Variants in RTEL1 observed in about 807,000 individuals in gnomAD.
RTEL1 encodes the protein regulator of telomere elongation helicase 1.
A neutral mutation model predicts 162.2 loss-of-function variants in RTEL1; 86 were observed. The ratio of observed to expected loss-of-function variants is 0.53; its 90% CI spans 0.45 to 0.63. The LOEUF (loss-of-function observed/expected upper bound fraction) is 0.63, where lower values mean the gene tolerates loss of function less well. Among genes scored for constraint, RTEL1 ranks in the 30% least tolerant of loss-of-function variants. The pLI is 0.00. For missense variants in RTEL1, 1,941 were observed against 1,750.2 expected, an observed-to-expected ratio of 1.11 and a Z score of -1.95; for synonymous variants, 958 against 717.9, an observed-to-expected ratio of 1.33 and a Z score of -5.35.
At position 63,687,646 on chromosome 20, in the gene RTEL1, C is replaced by G; in HGVS notation, c.1357C>G (p.Leu453Val). The change falls in exon 17 of 35, where the codon CTG becomes GTG. Residue 453 changes from leucine (L) to valine (V), a missense_variant. Leu to Val is a conservative substitution (Grantham distance 32, BLOSUM62 1). Coordinates refer to ENST00000360203, the MANE Select transcript of RTEL1 (RefSeq NM_001283009.2). ...CGCCCCCCGCCCCACAGGGAAGGTG[C>G]TGAGCTACTGGTGCTTCAGTCCCGG... is the stretch of plus-strand genomic sequence containing the variant. ...TTAARKRGKV[L>V]SYWCFSPGHS... 2 of 1,608,292 alleles carry G rather than the reference C, an allele frequency of 1.2e-6. No individual in the cohort carries two copies. The highest frequency in any genetic ancestry group is 2.2e-5 in the South Asian group (2 of 90,540).
In RTEL1 at chr20:63,679,946, C is replaced by T. The variant is rs201938707; in HGVS notation, c.1135C>T (p.Arg379Cys). 45 of 1,608,926 alleles carry T rather than the reference C, an allele frequency of 2.8e-5. 1 individual carries two copies. The East Asian group carries it at 6.7e-4, about 24-fold the overall frequency. ...LDQIIQHLAGRAGVFTNTAGL... is the reference protein window; with the variant it reads ...LDQIIQHLAGCAGVFTNTAGL... ...CCAGATCATCCAGCACCTGGCAGGA[C>T]GTGAGTGCTGGCACGGGGTCTTTGG... The change falls in exon 13 of 35, where the codon CGT (arginine) becomes TGT (cysteine). Residue 379 changes from arginine to cysteine, a missense_variant and splice_region_variant. Transcript: ENST00000360203.
intron 8 of RTEL1, among the ~76,000 whole-genome samples, chr20:63,672,084 A>ATGT (rs10685429): frequency 0.26 from 38,178 of 144,762 alleles, 5,340 homozygotes; most frequent in South Asian, 0.38. Context: ...GGGTTTTACC[A>ATGT]TGTTGGCCAG....
At chr20:63,692,753 G>A in intron 28 of RTEL1, 52 bp from the exon 29 acceptor site, 4 of 1,548,292 alleles carry the variant, frequency 2.6e-6, no homozygotes, top group Non-Finnish European at 2.7e-6. Flanking sequence ...GCAGCCCCAG[G>A]GACCAGATGA....
At position 63,690,434 on chromosome 20, in the gene RTEL1, G is replaced by A; in HGVS notation, c.2406G>A (p.Arg802=). 2 of 1,587,488 alleles carry A rather than the reference G, an allele frequency of 1.3e-6. No homozygotes were observed. Among genetic ancestry groups the A allele is most frequent in the South Asian group, 2.2e-5 (2 of 89,432 alleles). ...LDLHVPSLKQ[R]SSGSPAAGDP... Reference sequence around the variant, plus strand: ...TGCATGTCCCCAGCCTGAAGCAGAGGTCCTCAGGTGCGGACGGGCAGCGCT... The same window carrying A: ...TGCATGTCCCCAGCCTGAAGCAGAGATCCTCAGGTGCGGACGGGCAGCGCT... Residue 802 remains arginine, a synonymous_variant, in exon 26 of 35, where the codon AGG becomes AGA. Coordinates refer to ENST00000360203, the MANE Select transcript of RTEL1 (RefSeq NM_001283009.2).
At chr20:63,688,507 C>T (rs776420050) in intron 20 of RTEL1, 21 bp from the exon 21 acceptor site, 3 of 1,608,818 alleles carry the variant, frequency 1.9e-6, no homozygotes, top group Non-Finnish European at 8.5e-7. Flanking sequence ...GCTGCCGTGT[C>T]CCTGCCTCTT....
At chr20:63,692,664 G>T (rs544746517) in intron 28 of RTEL1, 141 bp from the exon 29 acceptor site, 3 of 794,300 alleles carry the variant, frequency 3.8e-6, no homozygotes, top group East Asian at 2.7e-5. Context: ...TGTCCATCCA[G>T]CCAGCCAGTT....
rs777978680 is a variant in RTEL1, at chr20:63,692,979, C to T, written c.2827C>T (p.Pro943Ser). ...ACLGPLFAEDPKKHNLLQGFY... is the reference protein window; with the variant it reads ...ACLGPLFAEDSKKHNLLQGFY... ...TCTCGGCCCCCTCTTTGCTGAGGAC[C>T]CCAAGAAGCACAACCTGCTCCAAGG... Residue 943 changes from proline to serine, a missense_variant, in exon 29 of 35, where the codon CCC becomes TCC. By Grantham distance (74) the Pro-to-Ser change is moderately conservative. Transcript: ENST00000360203. The T allele has an allele frequency of 6.2e-7, 1 of 1,612,614 alleles. No homozygotes were observed. Among genetic ancestry groups the T allele is most frequent in the African/African-American group, 1.3e-5 (1 of 75,058 alleles).
intron 7 of RTEL1, among the ~76,000 whole-genome samples, chr20:63,667,053 A>T (rs560861409): frequency 6.8e-6 from 1 of 147,616 alleles, no homozygotes; most frequent in East Asian, 2.0e-4. Flanking sequence ...GTTAGCCAGG[A>T]TGGTCTCGAT....
At position 63,688,552 on chromosome 20, in the gene RTEL1, G is replaced by C; in HGVS notation, c.1747G>C (p.Glu583Gln). The part of the protein sequence containing the change: ...WRARDLARKM[E>Q]ALKPLFVEPR... ...GGCCCGCGACTTGGCCAGGAAGATG[G>C]AGGCGCTGAAGCCGCTGTTTGTGGA... Residue 583 changes from glutamate to glutamine, a missense_variant, in exon 21 of 35, where the codon GAG becomes CAG. Physicochemically the swap from Glu to Gln is conservative, Grantham distance 29. Transcript: ENST00000360203. 6.2e-7 allele frequency: 1 copy of C among 1,610,782 alleles called. No homozygotes were observed. Among genetic ancestry groups the C allele is most frequent in the Non-Finnish European group, 8.5e-7 (1 of 1,179,572 alleles).
chr20:63,659,962 C>A (rs1364927983), intron 2 of RTEL1, among the ~76,000 whole-genome samples: 2 of 152,036 alleles, frequency 1.3e-5, no homozygotes, highest in Non-Finnish European at 2.9e-5. Context: ...GCAAAGGAAT[C>A]TGGGTCACAA....
intron 14 of RTEL1, chr20:63,681,170 G>T: frequency 1.0e-6 from 1 of 985,264 alleles, no homozygotes; most frequent in Non-Finnish European, 1.2e-6. Context: ...GCCCATGATT[G>T]GGGGTGCGAC....
At chr20:63,693,578 C>G in intron 30 of RTEL1, among the ~76,000 whole-genome samples, 1 of 131,014 alleles carries the variant, frequency 7.6e-6, no homozygotes, top group African/African-American at 2.9e-5. Context: ...CCTCCACCTC[C>G]ACCACCACCA....
chr20:63,679,649 A>G (rs1024897982), intron 12 of RTEL1, among the ~76,000 whole-genome samples, 200 bp from the exon 13 acceptor site: 4 of 151,926 alleles, frequency 2.6e-5, no homozygotes, highest in African/African-American at 7.3e-5. Context: ...AGGGAAGGAA[A>G]CTTCCACAGT....
chr20:63,682,520 T>TC (rs1568699391), intron 14 of RTEL1: 2 of 985,586 alleles, frequency 2.0e-6, no homozygotes, highest in Admixed American at 6.1e-5. Flanking sequence ...TCCTGCACAC[T>TC]CCATCGGTTT....
intron 14 of RTEL1, among the ~76,000 whole-genome samples, chr20:63,683,423 G>A (rs563095554): frequency 6.6e-6 from 1 of 152,346 alleles, no homozygotes; most frequent in East Asian, 1.9e-4. Flanking sequence ...TCTTGACAGT[G>A]AAAATGGCTG....
intron 14 of RTEL1, among the ~76,000 whole-genome samples, chr20:63,684,220 G>T (rs958811282): frequency 6.6e-6 from 1 of 152,104 alleles, no homozygotes; most frequent in Non-Finnish European, 1.5e-5. Flanking sequence ...TTCCCAGCAC[G>T]CCACACCGGT....
Position 63,686,302 on chromosome 20 carries a change from G to A in RTEL1, c.1348+430G>A, listed in dbSNP as rs542673575. ...CCCTGTTGTCCGAAGCCCCTGGTGC[G>A]CTCAGCCCCGAGGCCCCACGTGCCT... On this transcript the variant is annotated intron_variant, in intron 16 of 34. Transcript: ENST00000360203. The A allele has an allele frequency of 1.0e-4, 23 of 229,400 alleles. No individual in the cohort carries two copies. The East Asian group carries it at 1.0e-3, about 10-fold the overall frequency. 14.2% of individuals were successfully genotyped at this position (229,400 alleles called of 1,614,324 possible).
chr20:63,691,931 A>T (rs2090756386), intron 28 of RTEL1, 94 bp downstream of exon 28: 2 of 945,342 alleles, frequency 2.1e-6, no homozygotes. Flanking sequence ...TCCCGATGGG[A>T]CCAGGGAATC....
intron 6 of RTEL1, 115 bp downstream of exon 6, chr20:63,663,004 C>A (rs577568844): frequency 1.0e-6 from 1 of 989,082 alleles, no homozygotes; most frequent in Non-Finnish European, 1.6e-6. Flanking sequence ...CCAGTGCGGC[C>A]ATGTACCTGG....
Sources: gnomAD v4.1 joint callset for allele counts (sites outside exome capture counted in the v4.1 genomes callset) on GRCh38, gnomAD v4.1.1 for gene constraint, MANE v1.5 for transcripts, NCBI Gene and HGNC (gene_info 2026-07-23, HGNC 2026-07-21) for gene names.